Variants in RNF180 observed in about 807,000 individuals in gnomAD.
RNF180 encodes the protein ring finger protein 180.
RNF180 carries 38 observed loss-of-function variants against 59.2 expected under a neutral mutation model. That is an observed-to-expected ratio of 0.64 (90% confidence interval 0.50 to 0.84). RNF180 has a LOEUF of 0.84. RNF180 is among the 40% of genes least tolerant of loss of function. The pLI is 0.00. For synonymous variants in RNF180, 262 were observed against 240.3 expected, an observed-to-expected ratio of 1.09 and a Z score of -0.84; for missense variants, 705 against 700.9, an observed-to-expected ratio of 1.01 and a Z score of -0.07.
chr5:64,191,276 C>A (rs1436753967), intron 1 of RNF180, among the ~76,000 whole-genome samples: 3 of 152,142 alleles, frequency 2.0e-5, no homozygotes, highest in Non-Finnish European at 4.4e-5. Context: ...ATGTGGTACA[C>A]TTGTTACAAT....
At chr5:64,334,963 C>T (rs1352149484) in intron 7 of RNF180, among the ~76,000 whole-genome samples, 6 of 152,126 alleles carry the variant, frequency 3.9e-5, no homozygotes, top group African/African-American at 1.4e-4. Context: ...TCATAACCTA[C>T]CCAAAACCGT....
chr5:64,187,392 G>A (rs1458521085), intron 1 of RNF180, among the ~76,000 whole-genome samples: 1 of 152,110 alleles, frequency 6.6e-6, no homozygotes, highest in African/African-American at 2.4e-5. Context: ...GTGAGAGGTG[G>A]CTAGATGGAG....
chr5:64,168,758 C>G (rs541659267), intron 1 of RNF180, among the ~76,000 whole-genome samples: 1 of 151,776 alleles, frequency 6.6e-6, no homozygotes, highest in South Asian at 2.1e-4. Flanking sequence ...ATTGCTATTT[C>G]CAAAAAAAAA....
chr5:64,344,454 T>C (rs1279961349), intron 7 of RNF180, among the ~76,000 whole-genome samples: 2 of 152,110 alleles, frequency 1.3e-5, no homozygotes, highest in East Asian at 3.9e-4. Flanking sequence ...GTTGATAGAA[T>C]TAAAACAAGA....
chr5:64,350,918 T>C (rs1745777364), intron 7 of RNF180, among the ~76,000 whole-genome samples: 1 of 152,112 alleles, frequency 6.6e-6, no homozygotes, highest in Non-Finnish European at 1.5e-5. Context: ...ATATGAACTT[T>C]AAAGTAGTTT....
At chr5:64,198,897 C>T (rs2934802) in intron 1 of RNF180, among the ~76,000 whole-genome samples, 3,512 of 152,054 alleles carry the variant, frequency 0.023, 120 homozygotes, top group African/African-American at 0.074. Context: ...CCCACTGCCA[C>T]CTCTGTCTCC....
intron 1 of RNF180, among the ~76,000 whole-genome samples, chr5:64,186,786 C>T (rs1296758600): frequency 6.6e-6 from 1 of 152,114 alleles, no homozygotes. Context: ...GGAGCCAGAA[C>T]TTGTATACTC....
chr5:64,289,186 A>G (rs1373874452), intron 5 of RNF180, among the ~76,000 whole-genome samples: 3 of 152,206 alleles, frequency 2.0e-5, no homozygotes, highest in South Asian at 4.1e-4. Context: ...TATGTGAGAA[A>G]TCACATTTAT....
chr5:64,247,937 G>A (rs1350168900), intron 5 of RNF180, among the ~76,000 whole-genome samples: 1 of 151,978 alleles, frequency 6.6e-6, no homozygotes, highest in African/African-American at 2.4e-5. Flanking sequence ...GAGAACAGAG[G>A]CCTCAGTAAT....
At chr5:64,215,990 T>C (rs974438862) in intron 4 of RNF180, among the ~76,000 whole-genome samples, 2 of 132,552 alleles carry the variant, frequency 1.5e-5, no homozygotes, top group Non-Finnish European at 3.1e-5. Flanking sequence ...AGTTAATGTG[T>C]TTTTTTTTTG....
At chr5:64,171,340 T>C (rs1749923427) in intron 1 of RNF180, among the ~76,000 whole-genome samples, 1 of 152,164 alleles carries the variant, frequency 6.6e-6, no homozygotes, top group Non-Finnish European at 1.5e-5. Flanking sequence ...TGGCATTCAG[T>C]ATATACCGCA....
intron 5 of RNF180, among the ~76,000 whole-genome samples, chr5:64,308,562 A>C (rs544928401): frequency 1.3e-5 from 2 of 151,842 alleles, no homozygotes. Flanking sequence ...TCCAAGGAAC[A>C]ATGGTTCAGT....
At chr5:64,294,052 A>G (rs1265546474) in intron 5 of RNF180, among the ~76,000 whole-genome samples, 1 of 152,198 alleles carries the variant, frequency 6.6e-6, no homozygotes, top group Non-Finnish European at 1.5e-5. Flanking sequence ...ACCTGCAGGA[A>G]TCAAGTAGAA....
intron 5 of RNF180, among the ~76,000 whole-genome samples, chr5:64,218,573 A>C (rs908308545): frequency 9.2e-5 from 14 of 152,158 alleles, no homozygotes; most frequent in Admixed American, 9.2e-4. Context: ...TTTCCATATA[A>C]AACTTAAAAT....
At chr5:64,299,732 T>C (rs1406266933) in intron 5 of RNF180, among the ~76,000 whole-genome samples, 1 of 151,964 alleles carries the variant, frequency 6.6e-6, no homozygotes, top group Non-Finnish European at 1.5e-5. Context: ...AACAGTCAAC[T>C]TTGGTAACTG....
chr5:64,302,255 G>C (rs759711015), intron 5 of RNF180, among the ~76,000 whole-genome samples: 1 of 151,602 alleles, frequency 6.6e-6, no homozygotes, highest in Non-Finnish European at 1.5e-5. Context: ...CACAAAAGTC[G>C]CTGGTCAATA....
intron 5 of RNF180, among the ~76,000 whole-genome samples, chr5:64,237,661 C>T (rs1202699391): frequency 1.3e-5 from 2 of 152,060 alleles, no homozygotes; most frequent in African/African-American, 4.8e-5. Flanking sequence ...GTGTCCCCAC[C>T]GAAATCTCAT....
At chr5:64,345,515 AAT>A (rs1196608271) in intron 7 of RNF180, among the ~76,000 whole-genome samples, 3 of 152,204 alleles carry the variant, frequency 2.0e-5, no homozygotes, top group Non-Finnish European at 2.9e-5. Flanking sequence ...CAGTAAATAA[AAT>A]ATGTTTAAAA....
Position 64,318,738 on chromosome 5 carries a change from A to G in RNF180, c.1228-6448A>G, listed in dbSNP as rs867747886. Among the ~76,000 whole-genome samples the G allele has an allele frequency of 9.2e-5, 14 of 152,330 alleles. No individual in the cohort carries two copies. In the Middle Eastern group the frequency reaches 0.01, roughly 111 times the overall value. Reference sequence around the variant, plus strand: ...TAAATGTATCATACTGCTGGAACACAGCAATATACCATCAGTTGAACAGAC... The same window carrying G: ...TAAATGTATCATACTGCTGGAACACGGCAATATACCATCAGTTGAACAGAC... On this transcript the variant is annotated intron_variant, in intron 5 of 7. Transcript: ENST00000389100.
Sources: gnomAD v4.1 joint callset for allele counts (sites outside exome capture counted in the v4.1 genomes callset) on GRCh38, gnomAD v4.1.1 for gene constraint, MANE v1.5 for transcripts, NCBI Gene and HGNC (gene_info 2026-07-23, HGNC 2026-07-21) for gene names.